The following LRRC8B variants were observed in gnomAD, a reference collection of about 807,000 sequenced individuals.
The protein encoded by LRRC8B is leucine rich repeat containing 8 VRAC subunit B, also known as volume-regulated anion channel subunit LRRC8B.
Under a neutral mutation model 58.8 loss-of-function variants are expected in LRRC8B, and 23 were observed. The ratio of observed to expected loss-of-function variants is 0.39; its 90% confidence interval spans 0.28 to 0.55. The LOEUF (loss-of-function observed/expected upper bound fraction) is 0.55. Ranked by LOEUF, LRRC8B falls within the 20% of genes least tolerant of loss-of-function variation. The pLI, the probability that LRRC8B is intolerant of heterozygous loss-of-function variation, is 0.62. For missense variants in LRRC8B, 694 were observed against 936.0 expected, an observed-to-expected ratio of 0.74 and a Z score of 3.37; for synonymous variants, 359 against 374.1, an observed-to-expected ratio of 0.96 and a Z score of 0.47.
At chr1:89,539,522 C>T (rs1436014291) in intron 1 of LRRC8B, among the ~76,000 whole-genome samples, 1 of 152,150 alleles carries the variant, frequency 6.6e-6, no homozygotes, top group Non-Finnish European at 1.5e-5. Flanking sequence ...TCGTCTTTTA[C>T]TTTATCAGTC....
intron 1 of LRRC8B, among the ~76,000 whole-genome samples, chr1:89,533,355 A>T (rs1030406544): frequency 2.6e-5 from 4 of 152,154 alleles, no homozygotes; most frequent in Admixed American, 2.6e-4. Context: ...CTGTGTCCCC[A>T]GTGCATGTCC....
intron 1 of LRRC8B, among the ~76,000 whole-genome samples, chr1:89,544,666 T>C (rs1229047688): frequency 6.6e-6 from 1 of 152,178 alleles, no homozygotes; most frequent in African/African-American, 2.4e-5. Context: ...CGCAGGATGG[T>C]AGTGAAGTTT....
intron 3 of LRRC8B, among the ~76,000 whole-genome samples, chr1:89,575,341 G>A (rs1653763569): frequency 6.6e-6 from 1 of 152,084 alleles, no homozygotes; most frequent in Non-Finnish European, 1.5e-5. Flanking sequence ...TTGGAATGTT[G>A]TCTTAGAACC....
At chr1:89,544,369 C>G (rs191668435) in intron 1 of LRRC8B, among the ~76,000 whole-genome samples, 3 of 152,186 alleles carry the variant, frequency 2.0e-5, no homozygotes, top group Admixed American at 2.0e-4. Flanking sequence ...TGTCAGTGTG[C>G]TGGGAATTTT....
intron 3 of LRRC8B, among the ~76,000 whole-genome samples, chr1:89,577,713 A>T (rs11577609): frequency 0.18 from 27,825 of 152,168 alleles, 3,292 homozygotes; most frequent in South Asian, 0.33. Flanking sequence ...TTTAAATATT[A>T]AGTTTTAGTT....
chr1:89,567,500 A>G (rs1420620493), intron 1 of LRRC8B, among the ~76,000 whole-genome samples: 4 of 152,230 alleles, frequency 2.6e-5, no homozygotes, highest in Non-Finnish European at 4.4e-5. Context: ...AAATATGCTG[A>G]AAAATGTTCA....
At chr1:89,587,511 C>T (rs528305984) in intron 5 of LRRC8B, among the ~76,000 whole-genome samples, 6 of 152,152 alleles carry the variant, frequency 3.9e-5, no homozygotes, top group East Asian at 1.9e-4. Flanking sequence ...CTAGCCTGAG[C>T]GACAGAGCAA....
rs1476014779 is a variant in LRRC8B, at chr1:89,595,403, T to C, written c.*2360T>C. On this transcript the variant is annotated 3_prime_UTR_variant, in exon 6 of 6. Transcript: ENST00000330947. ...TATGCCAAAAGTGCTTAAATGTTTT[T>C]GGCCACATAACTAGCTAGAATTTCA... 1 of 152,158 alleles carries C rather than the reference T, an allele frequency of 6.6e-6. No homozygotes were observed. The highest frequency in any genetic ancestry group is 1.5e-5 in the Non-Finnish European group (1 of 67,966). 9.4% of individuals were successfully genotyped at this position (152,158 alleles called of 1,614,324 possible).
Position 89,594,335 on chromosome 1 carries a change from TG to T in LRRC8B, c.*1297del, listed in dbSNP as rs1268346469. On this transcript the variant is annotated 3_prime_UTR_variant, in exon 6 of 6. Coordinates refer to ENST00000330947, the MANE Select transcript of LRRC8B (RefSeq NM_001369817.2). Reference sequence around the variant, plus strand: ...CTTGTGTTTAATGCCCTAAAGTATTTGGGGGTTTCCTTGTGAGAGGGTGGCC... The same window carrying T: ...CTTGTGTTTAATGCCCTAAAGTATTTGGGGTTTCCTTGTGAGAGGGTGGCC... 1 of 152,166 alleles carries T rather than the reference TG, an allele frequency of 6.6e-6. No individual in the cohort carries two copies. Among genetic ancestry groups the T allele is most frequent in the Admixed American group, 6.5e-5 (1 of 15,278 alleles). 9.4% of individuals were successfully genotyped at this position (152,166 alleles called of 1,614,324 possible). A position where few individuals can be genotyped will look rare whatever the true frequency, so the allele number is the denominator to read the frequency against.
intron 3 of LRRC8B, among the ~76,000 whole-genome samples, chr1:89,575,708 A>G (rs1653793421): frequency 6.6e-6 from 1 of 152,110 alleles, no homozygotes; most frequent in Non-Finnish European, 1.5e-5. Flanking sequence ...TGTACATTTA[A>G]TTATTACATA....
intron 1 of LRRC8B, among the ~76,000 whole-genome samples, chr1:89,530,220 A>G (rs2100778905): frequency 6.6e-6 from 1 of 151,298 alleles, no homozygotes. Flanking sequence ...TTAGCCGGGC[A>G]TAGTGGTGGG....
chr1:89,563,536 T>C (rs990759551), intron 1 of LRRC8B, among the ~76,000 whole-genome samples: 3 of 152,178 alleles, frequency 2.0e-5, no homozygotes, highest in South Asian at 2.1e-4. Flanking sequence ...TTTCTAGTAA[T>C]GAGTCTTGTG....
chr1:89,555,402 AT>A (rs1175615729), intron 1 of LRRC8B, among the ~76,000 whole-genome samples: 4 of 152,176 alleles, frequency 2.6e-5, no homozygotes, highest in Admixed American at 1.3e-4. Flanking sequence ...GTAAGAAGGT[AT>A]GAAGATTGTA....
intron 5 of LRRC8B, among the ~76,000 whole-genome samples, chr1:89,586,856 T>C (rs1352274164): frequency 2.0e-5 from 3 of 152,166 alleles, no homozygotes; most frequent in Non-Finnish European, 4.4e-5. Flanking sequence ...TCAGAGACTA[T>C]GTAACAACAA....
intron 1 of LRRC8B, among the ~76,000 whole-genome samples, chr1:89,543,137 G>T (rs941815325): frequency 6.6e-6 from 1 of 152,150 alleles, no homozygotes; most frequent in African/African-American, 2.4e-5. Context: ...TTTCGTTATA[G>T]CCTGAAACTT....
chr1:89,525,910 A>G (rs971950532), intron 1 of LRRC8B, among the ~76,000 whole-genome samples: 1 of 152,254 alleles, frequency 6.6e-6, no homozygotes, highest in Non-Finnish European at 1.5e-5. Flanking sequence ...CAGTATGAAC[A>G]TTTTAAATTG....
intron 3 of LRRC8B, among the ~76,000 whole-genome samples, chr1:89,575,047 T>C (rs79279055): frequency 3.3e-3 from 508 of 152,306 alleles, no homozygotes; most frequent in Non-Finnish European, 5.7e-3. Context: ...AGCCTGAATT[T>C]GATGCCATAA....
intron 1 of LRRC8B, among the ~76,000 whole-genome samples, chr1:89,535,486 A>G (rs1469391408): frequency 2.6e-5 from 4 of 152,242 alleles, no homozygotes; most frequent in Non-Finnish European, 5.9e-5. Flanking sequence ...ACTGCACTCC[A>G]GCGAAGGTGA....
At chr1:89,550,407 A>G (rs929271470) in intron 1 of LRRC8B, among the ~76,000 whole-genome samples, 5 of 152,234 alleles carry the variant, frequency 3.3e-5, no homozygotes, top group African/African-American at 1.2e-4. Flanking sequence ...ACTCCCTTTC[A>G]CAAATACCTT....
Sources: gnomAD v4.1 joint callset for allele counts (sites outside exome capture counted in the v4.1 genomes callset) on GRCh38, gnomAD v4.1.1 for gene constraint, MANE v1.5 for transcripts, NCBI Gene and HGNC (gene_info 2026-07-23, HGNC 2026-07-21) for gene names.